The following GLDN variants were observed in gnomAD, a reference collection of about 807,000 sequenced individuals.
GLDN encodes collomin.
A neutral mutation model predicts 56.5 loss-of-function variants in GLDN; 47 were observed. The ratio of observed to expected loss-of-function variants is 0.83; its 90% CI spans 0.66 to 1.06. The LOEUF (loss-of-function observed/expected upper bound fraction) is 1.06, where lower values mean the gene tolerates loss of function less well. Among genes scored for constraint, GLDN ranks in the 50% least tolerant of loss-of-function variants. The probability of loss-of-function intolerance (pLI) is 0.00; values close to 1 mark genes in which losing one functional copy is unlikely to be tolerated. For synonymous variants in GLDN, 332 were observed against 278.8 expected (o/e 1.19, Z -1.90); for missense variants, 782 against 714.3 (o/e 1.09, Z -1.08).
chr15:51,346,871 G>A (rs924326444), intron 1 of GLDN, among the ~76,000 whole-genome samples: 2 of 152,120 alleles, frequency 1.3e-5, no homozygotes, highest in African/African-American at 4.8e-5. Context: ...TTCAAGACCA[G>A]CCTGGCCAAC....
At chr15:51,374,436 A>G (rs149868307) in intron 1 of GLDN, among the ~76,000 whole-genome samples, 1 of 152,242 alleles carries the variant, frequency 6.6e-6, no homozygotes, top group Non-Finnish European at 1.5e-5. Context: ...ATGTTAAGAT[A>G]ATCACCAGAG....
intron 4 of GLDN, chr15:51,384,198 C>CTCCTGCT: frequency 5.3e-6 from 2 of 377,406 alleles, no homozygotes; most frequent in Non-Finnish European, 9.7e-6. Context: ...ATTCTGTGGG[C>CTCCTGCT]CGTGTGACAG....
At chr15:51,391,861 C>T (rs1362139763) in intron 4 of GLDN, among the ~76,000 whole-genome samples, 8 of 152,232 alleles carry the variant, frequency 5.3e-5, no homozygotes, top group Admixed American at 5.2e-4. Flanking sequence ...GACGGGCAGC[C>T]GCCACCCAAG....
intron 1 of GLDN, among the ~76,000 whole-genome samples, chr15:51,347,439 C>T (rs12592797): frequency 6.6e-6 from 1 of 151,994 alleles, no homozygotes; most frequent in Non-Finnish European, 1.5e-5. Context: ...TTAGCTCATC[C>T]GTTATTGCTA....
At chr15:51,398,129 G>C (rs905697385) in intron 6 of GLDN, among the ~76,000 whole-genome samples, 9 of 152,208 alleles carry the variant, frequency 5.9e-5, no homozygotes, top group African/African-American at 2.2e-4. Context: ...ACCCCAAAGA[G>C]CTAAGGAACT....
At chr15:51,399,714 G>T (rs1366778640) in intron 6 of GLDN, among the ~76,000 whole-genome samples, 1 of 152,172 alleles carries the variant, frequency 6.6e-6, no homozygotes, top group African/African-American at 2.4e-5. Flanking sequence ...GTCTCTCCCA[G>T]GAAGATGCTG....
intron 2 of GLDN, 66 bp downstream of exon 2, chr15:51,377,566 G>C: frequency 8.2e-7 from 1 of 1,223,008 alleles, no homozygotes; most frequent in East Asian, 2.3e-5. Flanking sequence ...GCCCGTGGCA[G>C]AATGAACGCC....
intron 1 of GLDN, among the ~76,000 whole-genome samples, chr15:51,372,865 T>A (rs1182687435): frequency 6.6e-6 from 1 of 152,184 alleles, no homozygotes; most frequent in East Asian, 1.9e-4. Flanking sequence ...TTATTTCTCA[T>A]AATTCTGGAG....
chr15:51,383,382 T>C (rs2141100317), intron 2 of GLDN, 54 bp from the exon 3 acceptor site: 1 of 1,603,926 alleles, frequency 6.2e-7, no homozygotes, highest in East Asian at 2.2e-5. Context: ...GGGGGTGCTC[T>C]TTGTTTTCTG....
intron 5 of GLDN, among the ~76,000 whole-genome samples, chr15:51,395,276 CA>C (rs1397299140): frequency 6.6e-6 from 1 of 152,090 alleles, no homozygotes; most frequent in Non-Finnish European, 1.5e-5. Flanking sequence ...CAGCACAATC[CA>C]GAATAAGACA....
At chr15:51,355,614 C>T (rs975619135) in intron 1 of GLDN, among the ~76,000 whole-genome samples, 74 of 150,520 alleles carry the variant, frequency 4.9e-4, no homozygotes, top group African/African-American at 1.7e-3. Flanking sequence ...ACCTCCGCCT[C>T]CTGGGTTCAA....
chr15:51,394,683 A>G (rs1032040066), intron 4 of GLDN, 152 bp from the exon 5 acceptor site: 1 of 665,250 alleles, frequency 1.5e-6, no homozygotes, highest in Admixed American at 3.3e-5. Flanking sequence ...TAATGAACGT[A>G]TGGTCACACT....
chr15:51,379,463 C>T (rs537824300), intron 2 of GLDN, among the ~76,000 whole-genome samples: 59 of 152,322 alleles, frequency 3.9e-4, no homozygotes, highest in African/African-American at 1.4e-3. Flanking sequence ...AGTTATGATA[C>T]GTGTCTCTAG....
chr15:51,388,639 A>G (rs116258443), intron 4 of GLDN, among the ~76,000 whole-genome samples: 6,968 of 152,310 alleles, frequency 0.046, 563 homozygotes, highest in African/African-American at 0.16. Flanking sequence ...ATGACTGGAT[A>G]TAACTTGTCT....
the GLDN span, among the ~76,000 whole-genome samples, chr15:51,413,049 C>G: frequency 1.3e-5 from 2 of 152,056 alleles, no homozygotes; most frequent in Admixed American, 6.6e-5. Context: ...TTAAATCTAC[C>G]ACCTTGTTAT....
rs111819489 is a variant in GLDN, at chr15:51,389,965, G to A, written c.542-4870G>A. 5.8e-3 allele frequency among the ~76,000 whole-genome samples: 876 copies of A among 152,300 alleles called. 3 individuals carry two copies. The highest frequency in any genetic ancestry group is 0.02 in the African/African-American group (846 of 41,564). ...CAGAGTTTAAGCTCTGTAGCCTAAC[G>A]GTTGCTTCCAGGAGACTGAAACATC... On this transcript the variant is annotated intron_variant, in intron 4 of 9. Coordinates refer to ENST00000335449, the MANE Select transcript of GLDN (RefSeq NM_181789.4).
intron 1 of GLDN, among the ~76,000 whole-genome samples, chr15:51,342,810 C>A (rs1191268850): frequency 1.3e-5 from 2 of 152,170 alleles, no homozygotes; most frequent in Non-Finnish European, 2.9e-5. Context: ...CTGTGCCCTC[C>A]TGCCCATGTG....
intron 1 of GLDN, among the ~76,000 whole-genome samples, chr15:51,343,564 A>C (rs759706639): frequency 6.6e-6 from 1 of 152,236 alleles, no homozygotes; most frequent in Non-Finnish European, 1.5e-5. Context: ...CTCTGTGTCA[A>C]ATTAACTCTA....
At chr15:51,382,726 C>CAAAA (rs576743825) in intron 2 of GLDN, among the ~76,000 whole-genome samples, 1 of 82,738 alleles carries the variant, frequency 1.2e-5, no homozygotes, top group African/African-American at 4.6e-5. Flanking sequence ...ACTCTGTCTC[C>CAAAA]AAAAAAAAAA....
Sources: allele counts gnomAD v4.1 joint callset (sites outside exome capture counted in the v4.1 genomes callset), GRCh38; gene constraint gnomAD v4.1.1; transcripts MANE v1.5; gene names NCBI Gene and HGNC (gene_info 2026-07-23, HGNC 2026-07-21).